SHTN1: variants seen among roughly 807,000 people sequenced by gnomAD.
SHTN1 encodes the protein shootin 1.
A neutral mutation model predicts 83.1 loss-of-function variants in SHTN1; 42 were observed. The ratio of observed to expected loss-of-function variants is 0.51; its 90% CI spans 0.39 to 0.65. SHTN1 has a LOEUF of 0.65. SHTN1 is among the 30% of genes least tolerant of loss of function. SHTN1 has a pLI of 0.00. For missense variants in SHTN1, 622 were observed against 737.8 expected, an observed-to-expected ratio of 0.84 and a Z score of 1.82; for synonymous variants, 224 against 247.7, an observed-to-expected ratio of 0.90 and a Z score of 0.90.
chr10:116,906,874 T>C (rs762312718), intron 14 of SHTN1, 127 bp from the exon 15 acceptor site: 13 of 730,416 alleles, frequency 1.8e-5, no homozygotes, highest in African/African-American at 9.1e-5. Flanking sequence ...ATGAATTTGC[T>C]ATATATTAAT....
At chr10:116,974,031 T>C (rs992959380) in intron 2 of SHTN1, 5 of 1,061,270 alleles carry the variant, frequency 4.7e-6, no homozygotes. Context: ...ATGGAATTCC[T>C]TTCACTCTCT....
rs1210461423 is a variant in SHTN1 at position 117,005,017 on chromosome 10, C to T, written c.58+5G>A. The T allele has an allele frequency of 6.3e-7, 1 of 1,592,644 alleles. No individual in the cohort carries two copies. Among genetic ancestry groups the T allele is most frequent in the South Asian group, 1.1e-5 (1 of 87,432 alleles). On this transcript the variant is annotated splice_donor_5th_base_variant and intron_variant, in intron 1 of 16. Coordinates refer to ENST00000355371, the MANE Select transcript of SHTN1 (RefSeq NM_001127211.3). ...GCCCACACCTGGCGCCCGCGTGCTG[C>T]CTACCTTGCTCCTTCAGACTGGTAA... is the stretch of plus-strand genomic sequence containing the variant.
At chr10:116,905,615 A>C (rs908934873) in intron 15 of SHTN1, among the ~76,000 whole-genome samples, 4 of 152,198 alleles carry the variant, frequency 2.6e-5, no homozygotes, top group Non-Finnish European at 5.9e-5. Flanking sequence ...GAACATGAGA[A>C]CTTGATGATC....
chr10:116,998,079 G>A (rs917993987), intron 1 of SHTN1, among the ~76,000 whole-genome samples: 2 of 151,996 alleles, frequency 1.3e-5, no homozygotes, highest in Non-Finnish European at 2.9e-5. Context: ...GGGACAGAGC[G>A]AGACTCTGTC....
At chr10:117,023,276 C>T (rs1345621725) in intron 2 of SHTN1, among the ~76,000 whole-genome samples, 5 of 152,138 alleles carry the variant, frequency 3.3e-5, no homozygotes, top group Admixed American at 6.6e-5. Flanking sequence ...AAATCTGTCA[C>T]GTGCAAATAG....
At chr10:116,911,360 G>A (rs1231570539) in intron 14 of SHTN1, 15 of 1,147,470 alleles carry the variant, frequency 1.3e-5, no homozygotes, top group South Asian at 1.8e-5. Flanking sequence ...AAGGCAGACT[G>A]TGACCCTGAT....
chr10:116,940,851 T>C (rs1849342941), intron 8 of SHTN1, among the ~76,000 whole-genome samples: 1 of 152,200 alleles, frequency 6.6e-6, no homozygotes, highest in Non-Finnish European at 1.5e-5. Flanking sequence ...CTCTTCAGTT[T>C]TTAATATTTT....
intron 12 of SHTN1, among the ~76,000 whole-genome samples, chr10:116,917,976 A>G (rs1300504781): frequency 6.6e-6 from 1 of 152,224 alleles, no homozygotes; most frequent in Non-Finnish European, 1.5e-5. Context: ...TTGAACTAGC[A>G]AAAAGCAATC....
chr10:117,014,888 C>A (rs1317038053), intron 2 of SHTN1, among the ~76,000 whole-genome samples: 2 of 152,168 alleles, frequency 1.3e-5, no homozygotes, highest in Non-Finnish European at 2.9e-5. Flanking sequence ...AGTTTTAAAA[C>A]ACCTAAAGTT....
intron 3 of SHTN1, among the ~76,000 whole-genome samples, chr10:116,964,111 A>G (rs1048944077): frequency 3.9e-5 from 6 of 152,066 alleles, no homozygotes; most frequent in African/African-American, 1.4e-4. Context: ...TGTCTATTTG[A>G]AGGACTGAAG....
At position 116,886,362 on chromosome 10, in the gene SHTN1, T is replaced by C; in HGVS notation, c.1878A>G (p.Thr626=). Residue 626 remains threonine, a synonymous_variant, in exon 17 of 17, where the codon ACA becomes ACG. Coordinates refer to ENST00000355371, the MANE Select transcript of SHTN1 (RefSeq NM_001127211.3). The part of the protein sequence containing the change: ...KEDSIENVRE[T]DSSNC ...TTATGGATCAGCAGTTGGAGCTGTC[T>C]GTCTCTCTCACGTTTTCAATGCTGT... 6.4e-7 allele frequency: 1 copy of C among 1,554,490 alleles called. No individual in the cohort carries two copies. Among genetic ancestry groups the C allele is most frequent in the Non-Finnish European group, 8.7e-7 (1 of 1,147,990 alleles).
intron 3 of SHTN1, among the ~76,000 whole-genome samples, chr10:116,966,278 G>A (rs1399655849): frequency 1.3e-5 from 2 of 152,136 alleles, no homozygotes; most frequent in Non-Finnish European, 1.5e-5. Flanking sequence ...AAAGTGCTGC[G>A]ATTACAGGCG....
At chr10:116,891,236 T>C (rs1847334599) in intron 16 of SHTN1, among the ~76,000 whole-genome samples, 1 of 152,252 alleles carries the variant, frequency 6.6e-6, no homozygotes, top group East Asian at 1.9e-4. Flanking sequence ...GAAAAGCTGA[T>C]TGCCAAACAG....
At chr10:117,039,568 A>C (rs1235303070) in intron 2 of SHTN1, among the ~76,000 whole-genome samples, 1 of 152,128 alleles carries the variant, frequency 6.6e-6, no homozygotes, top group Non-Finnish European at 1.5e-5. Context: ...AAAATGGGGA[A>C]TCTCGGCCGG....
At chr10:117,074,507 A>T (rs1853126426) in intron 1 of SHTN1, among the ~76,000 whole-genome samples, 1 of 152,210 alleles carries the variant, frequency 6.6e-6, no homozygotes, top group Non-Finnish European at 1.5e-5. Flanking sequence ...CATAACTTTC[A>T]TCAGATTCTC....
chr10:116,893,473 C>T (rs1256424446), intron 16 of SHTN1, among the ~76,000 whole-genome samples: 1 of 151,594 alleles, frequency 6.6e-6, no homozygotes, highest in Non-Finnish European at 1.5e-5. Context: ...GCAGTAACGT[C>T]CATGCAGTTC....
intron 2 of SHTN1, among the ~76,000 whole-genome samples, chr10:117,015,631 T>C (rs1006526468): frequency 6.6e-6 from 1 of 152,160 alleles, no homozygotes; most frequent in African/African-American, 2.4e-5. Context: ...GTGCCCGGCC[T>C]GTAGTAATGT....
chr10:117,091,130 A>G (rs1372263512), intron 1 of SHTN1, among the ~76,000 whole-genome samples: 1 of 152,206 alleles, frequency 6.6e-6, no homozygotes, highest in Non-Finnish European at 1.5e-5. Context: ...TCATGCTGAA[A>G]AAGTCCACCA....
intron 2 of SHTN1, among the ~76,000 whole-genome samples, chr10:117,021,098 C>T (rs745970145): frequency 4.6e-5 from 7 of 152,168 alleles, no homozygotes; most frequent in Non-Finnish European, 8.8e-5. Flanking sequence ...GATGGCCAGG[C>T]GCGGTGGCTC....
Sources: allele counts gnomAD v4.1 joint callset (sites outside exome capture counted in the v4.1 genomes callset), GRCh38; gene constraint gnomAD v4.1.1; transcripts MANE v1.5; gene names NCBI Gene and HGNC (gene_info 2026-07-23, HGNC 2026-07-21).